MAD1L1: variants seen among roughly 807,000 people sequenced by gnomAD.
MAD1L1 encodes mitotic arrest deficient 1 like 1.
Under a neutral mutation model 96.9 loss-of-function variants are expected in MAD1L1, and 95 were observed. The observed-to-expected ratio is 0.98, with a 90% CI of 0.83 to 1.16. MAD1L1 has a LOEUF of 1.16. MAD1L1 is among the 50% of genes most tolerant of loss of function. The pLI is 0.00. For synonymous variants in MAD1L1, 473 were observed against 396.6 expected (o/e 1.19, Z -2.29); for missense variants, 1,007 against 954.4 (o/e 1.06, Z -0.73).
intron 18 of MAD1L1, among the ~76,000 whole-genome samples, chr7:1,851,315 G>A (rs1267520725): frequency 2.0e-5 from 3 of 152,242 alleles, no homozygotes; most frequent in African/African-American, 4.8e-5. Context: ...GCTGATGGCT[G>A]AGCCCATGGA....
intron 11 of MAD1L1, among the ~76,000 whole-genome samples, chr7:2,123,290 G>A (rs1788067214): frequency 7.4e-6 from 1 of 135,578 alleles, no homozygotes; most frequent in East Asian, 2.4e-4. Context: ...GGGCGACAGA[G>A]CGAGACTCCA....
chr7:1,920,940 A>G (rs1788753562), intron 17 of MAD1L1, among the ~76,000 whole-genome samples: 1 of 152,240 alleles, frequency 6.6e-6, no homozygotes, highest in African/African-American at 2.4e-5. Flanking sequence ...GTGCAGATTC[A>G]TGTTCCCTGC....
intron 12 of MAD1L1, among the ~76,000 whole-genome samples, chr7:2,056,848 C>T (rs796236076): frequency 5.9e-5 from 9 of 152,360 alleles, no homozygotes; most frequent in East Asian, 1.9e-4. Flanking sequence ...CTTCCCACTG[C>T]ACCACGACCA....
intron 10 of MAD1L1, among the ~76,000 whole-genome samples, 198 bp from the exon 11 acceptor site, chr7:2,149,436 A>C (rs1789463379): frequency 6.6e-6 from 1 of 152,114 alleles, no homozygotes; most frequent in African/African-American, 2.4e-5. Flanking sequence ...ACCCCTATGC[A>C]ACACCGGGGA....
chr7:2,088,214 G>A lies in MAD1L1; in HGVS notation c.1074-18876C>T, dbSNP rs1384367133. 6.6e-6 allele frequency among the ~76,000 whole-genome samples: 1 copy of A among 152,156 alleles called. No homozygotes were observed. The highest frequency in any genetic ancestry group is 1.5e-5 in the Non-Finnish European group (1 of 68,040). On this transcript the variant is annotated intron_variant, in intron 11 of 18. Coordinates refer to ENST00000265854, the MANE Select transcript of MAD1L1 (RefSeq NM_001013836.2). The surrounding 1 kb of genome is among the most constrained non-coding windows in gnomAD (Gnocchi z 4.4). ...GCAAAGCGACCTTGGATCACACATC[G>A]CGCCTCTTCACGCCTCCTCACACCC... is the stretch of plus-strand genomic sequence containing the variant.
At chr7:1,887,186 C>T (rs550104521) in intron 18 of MAD1L1, among the ~76,000 whole-genome samples, 6 of 152,340 alleles carry the variant, frequency 3.9e-5, no homozygotes, top group African/African-American at 1.4e-4. Flanking sequence ...ACATGGGACG[C>T]CTGGGAGAGA....
At chr7:1,863,098 C>T (rs1583587009) in intron 18 of MAD1L1, among the ~76,000 whole-genome samples, 1 of 152,262 alleles carries the variant, frequency 6.6e-6, no homozygotes, top group African/African-American at 2.4e-5. Flanking sequence ...CCATCCAACC[C>T]CCCAACCAGA....
intron 15 of MAD1L1, among the ~76,000 whole-genome samples, chr7:1,970,749 G>T (rs1028047901): frequency 6.6e-6 from 1 of 152,218 alleles, no homozygotes; most frequent in Non-Finnish European, 1.5e-5. Context: ...GTGGCATCTG[G>T]TGGGGGAATG....
chr7:2,213,594 T>A (rs1325059803), intron 9 of MAD1L1, among the ~76,000 whole-genome samples: 2 of 152,170 alleles, frequency 1.3e-5, no homozygotes, highest in Non-Finnish European at 2.9e-5. Context: ...GGGTTGACTG[T>A]GCCCCAGGGA....
intron 10 of MAD1L1, among the ~76,000 whole-genome samples, chr7:2,159,600 G>A (rs1298299814): frequency 1.3e-5 from 2 of 151,966 alleles, no homozygotes; most frequent in Non-Finnish European, 2.9e-5. Flanking sequence ...TTTTTCCACT[G>A]GCCCAATAAT....
chr7:2,068,612 C>T (rs1444198568), intron 12 of MAD1L1, among the ~76,000 whole-genome samples: 2 of 152,210 alleles, frequency 1.3e-5, no homozygotes, highest in East Asian at 3.8e-4. Flanking sequence ...TGACTTCTTT[C>T]CCGCCTTGTC....
At chr7:2,062,680 C>A (rs1270987701) in intron 12 of MAD1L1, among the ~76,000 whole-genome samples, 1 of 152,178 alleles carries the variant, frequency 6.6e-6, no homozygotes, top group African/African-American at 2.4e-5. Context: ...TAACTACCTG[C>A]TCTTCTAGAG....
chr7:1,879,739 ATTTTC>A (rs1410628882), intron 18 of MAD1L1, among the ~76,000 whole-genome samples: 1 of 152,184 alleles, frequency 6.6e-6, no homozygotes, highest in African/African-American at 2.4e-5. Flanking sequence ...TGGCAAACTG[ATTTTC>A]TTTTGAGACG....
intron 16 of MAD1L1, among the ~76,000 whole-genome samples, chr7:1,955,364 C>G (rs1170189308): frequency 6.6e-6 from 1 of 152,194 alleles, no homozygotes; most frequent in African/African-American, 2.4e-5. Flanking sequence ...GATCTCGGCT[C>G]ACTGCAATCT....
chr7:1,897,216 T>G (rs1054880115), intron 18 of MAD1L1, among the ~76,000 whole-genome samples: 1 of 87,344 alleles, frequency 1.1e-5, no homozygotes, highest in Non-Finnish European at 2.2e-5. Context: ...CTGACGGACA[T>G]GCGTAGGCCG....
intron 11 of MAD1L1, among the ~76,000 whole-genome samples, chr7:2,108,292 G>A (rs890208171): frequency 1.3e-5 from 2 of 152,122 alleles, no homozygotes; most frequent in African/African-American, 2.4e-5. Context: ...GTGTAATTAT[G>A]GTAAAAAGAG....
At chr7:1,996,707 T>C (rs1319524089) in intron 14 of MAD1L1, among the ~76,000 whole-genome samples, 1 of 152,202 alleles carries the variant, frequency 6.6e-6, no homozygotes, top group Non-Finnish European at 1.5e-5. Context: ...AGGGTGCCCC[T>C]GGGAGCAAGG....
intron 17 of MAD1L1, among the ~76,000 whole-genome samples, chr7:1,924,412 G>T (rs561018055): frequency 6.6e-6 from 1 of 152,332 alleles, no homozygotes; most frequent in South Asian, 2.1e-4. Context: ...GGGGAAAGGG[G>T]AGATTTCTTT....
At chr7:1,918,744 G>A (rs1788581091) in intron 17 of MAD1L1, among the ~76,000 whole-genome samples, 1 of 152,238 alleles carries the variant, frequency 6.6e-6, no homozygotes, top group Non-Finnish European at 1.5e-5. Context: ...GTGCCAGCCA[G>A]CCTTCAGCAA....
Sources: allele counts gnomAD v4.1 joint callset (sites outside exome capture counted in the v4.1 genomes callset), GRCh38; gene constraint gnomAD v4.1.1; non-coding constraint Gnocchi (gnomAD v3.1); transcripts MANE v1.5; gene names NCBI Gene and HGNC (gene_info 2026-07-23, HGNC 2026-07-21).